FBXO46: variants seen among roughly 807,000 people sequenced by gnomAD.
FBXO46 encodes F-box only protein 46.
Under a neutral mutation model 30.7 loss-of-function variants are expected in FBXO46, and 13 were observed. That is an observed-to-expected ratio of 0.42 (90% CI 0.28 to 0.67). The LOEUF (loss-of-function observed/expected upper bound fraction) is 0.67. FBXO46 is among the 30% of genes least tolerant of loss of function. The pLI is 0.21. For missense variants in FBXO46, 754 were observed against 871.5 expected (o/e 0.87, Z 1.70); for synonymous variants, 467 against 385.8 (o/e 1.21, Z -2.47).
Position 45,713,485 on chromosome 19 carries a change from C to T in FBXO46, c.11G>A (p.Gly4Glu). 1 of 1,567,808 alleles carries T rather than the reference C, an allele frequency of 6.4e-7. No individual in the cohort carries two copies. Among genetic ancestry groups the T allele is most frequent in the Non-Finnish European group, 8.7e-7 (1 of 1,152,022 alleles). Residue 4 changes from glycine (G) to glutamate (E), a missense_variant, in exon 2 of 2, where the codon GGG (glycine) becomes GAG (glutamate). This residue lies in a region of FBXO46 where 97 missense variants were observed against 113.0 expected (regional missense o/e 0.86). Coordinates refer to ENST00000317683, the MANE Select transcript of FBXO46 (RefSeq NM_001080469.2). The surrounding 1 kb of genome is among the most constrained non-coding windows in gnomAD (Gnocchi z 4.7). MDR[G>E]SLLPFQLWCP... ...CCATAGCTGGAAGGGCAGGAGGCTC[C>T]CACGGTCCATGCTGGGGGATGATGG...
Position 45,712,079 on chromosome 19 carries a change from T to G in FBXO46, c.1417A>C (p.Met473Leu). Residue 473 changes from methionine (M) to leucine (L), a missense_variant, in exon 2 of 2, where the codon ATG becomes CTG. Physicochemically the swap from Met to Leu is conservative, Grantham distance 15. Around this residue, in one of 5 missense-constraint regions of FBXO46, gnomAD observed 162 missense variants for 258.7 expected, o/e 0.63. Coordinates refer to ENST00000317683, the MANE Select transcript of FBXO46 (RefSeq NM_001080469.2). This position sits in a 1 kb window ranked among gnomAD's most constrained non-coding sequence, Gnocchi z 8.8. The part of the protein sequence containing the change: ...IQRLLEPRQY[M>L]LLLPEHVLVK... ...AGCACGTGCTCGGGCAGCAGCAGCA[T>G]GTACTGTCGCGGCTCCAGCAGCCGC... is the stretch of plus-strand genomic sequence containing the variant. 1 of 1,608,500 alleles carries G rather than the reference T, an allele frequency of 6.2e-7. No homozygotes were observed.
chr19:45,728,697 C>T (rs997682467), intron 1 of FBXO46, among the ~76,000 whole-genome samples: 4 of 151,976 alleles, frequency 2.6e-5, no homozygotes, highest in African/African-American at 7.3e-5. Flanking sequence ...AAAAATTAGC[C>T]GTGTGTAATA....
chr19:45,713,374 C>A lies in FBXO46; in HGVS notation c.122G>T (p.Gly41Val), dbSNP rs1968032612. 1 of 1,612,324 alleles carries A rather than the reference C, an allele frequency of 6.2e-7. No homozygotes were observed. The highest frequency in any genetic ancestry group is 8.5e-7 in the Non-Finnish European group (1 of 1,179,020). The change falls in exon 2 of 2, where the codon GGT becomes GTT. Residue 41 changes from glycine to valine, a missense_variant. Gly to Val is a moderately radical substitution (Grantham distance 109). Coordinates refer to ENST00000317683, the MANE Select transcript of FBXO46 (RefSeq NM_001080469.2). The surrounding 1 kb of genome is among the most constrained non-coding windows in gnomAD (Gnocchi z 4.7). ...ALKPSACPEP[G>V]GGAEPDHGPA... Reference sequence around the variant, plus strand: ...CCCATGGTCTGGCTCGGCCCCGCCACCAGGCTCAGGGCAGGCTGATGGCTT... The same window carrying A: ...CCCATGGTCTGGCTCGGCCCCGCCAACAGGCTCAGGGCAGGCTGATGGCTT...
Position 45,713,530 on chromosome 19 carries a change from C to G in FBXO46, c.-35G>C, listed in dbSNP as rs369148502. 3 of 1,506,046 alleles carry G rather than the reference C, an allele frequency of 2.0e-6. No homozygotes were observed. The East Asian group carries it at 6.9e-5, about 34-fold the overall frequency. 93.3% of individuals were successfully genotyped at this position (1,506,046 alleles called of 1,614,324 possible). On this transcript the variant is annotated 5_prime_UTR_variant, in exon 2 of 2. Coordinates refer to ENST00000317683, the MANE Select transcript of FBXO46 (RefSeq NM_001080469.2). The surrounding 1 kb of genome is among the most constrained non-coding windows in gnomAD (Gnocchi z 4.7). Reference sequence around the variant, plus strand: ...TGATGGCAGACAGGCTGGGCTTCAGCGCATCTCAGGACCTAGGTGGTGGTG... The same window carrying G: ...TGATGGCAGACAGGCTGGGCTTCAGGGCATCTCAGGACCTAGGTGGTGGTG...
At position 45,711,828 on chromosome 19, in the gene FBXO46, C is replaced by T. The variant is rs1379081089; in HGVS notation, c.1668G>A (p.Leu556=). Reference sequence around the variant, plus strand: ...ACATCCAGTAGGAACGTCCGTAAGGCAGGTCATGGTGGTAGGGCTTGGGGT... The same window carrying T: ...ACATCCAGTAGGAACGTCCGTAAGGTAGGTCATGGTGGTAGGGCTTGGGGT... ...RWHPKPYHHD[L]PYGRSYWMCC... is the part of the protein sequence containing the mutation. The change falls in exon 2 of 2, where the codon CTG becomes CTA. Residue 556 remains leucine, a synonymous_variant. Coordinates refer to ENST00000317683, the MANE Select transcript of FBXO46 (RefSeq NM_001080469.2). 1.2e-6 allele frequency: 2 copies of T among 1,613,418 alleles called. No homozygotes were observed. Among genetic ancestry groups the T allele is most frequent in the East Asian group, 2.2e-5 (1 of 44,870 alleles).
Position 45,712,678 on chromosome 19 carries a change from G to A in FBXO46, c.818C>T (p.Ala273Val). ...FRISNGREPR[A>V]PDSGLPSGGG... is the part of the protein sequence containing the mutation. ...CCCACTGGGCAGGCCGCTGTCTGGTGCACGGGGCTCCCGGCCGTTGGAGAT... is the reference window on the plus strand; with the variant it reads ...CCCACTGGGCAGGCCGCTGTCTGGTACACGGGGCTCCCGGCCGTTGGAGAT... The change falls in exon 2 of 2, where the codon GCA becomes GTA. Residue 273 changes from alanine to valine, a missense_variant. Ala to Val is a moderately conservative substitution (Grantham distance 64). Around this residue, in one of 5 missense-constraint regions of FBXO46, gnomAD observed 454 missense variants for 426.5 expected, o/e 1.06. Transcript: ENST00000317683. This position sits in a 1 kb window ranked among gnomAD's most constrained non-coding sequence, Gnocchi z 8.8. 3 of 1,612,744 alleles carry A rather than the reference G, an allele frequency of 1.9e-6. No individual in the cohort carries two copies. Among genetic ancestry groups the A allele is most frequent in the Non-Finnish European group, 2.5e-6 (3 of 1,179,402 alleles).
chr19:45,718,658 A>T (rs1009743297), intron 1 of FBXO46, among the ~76,000 whole-genome samples: 1 of 151,778 alleles, frequency 6.6e-6, no homozygotes, highest in African/African-American at 2.4e-5. Context: ...CCTTCCTGGA[A>T]ATCACCCACC....
At position 45,712,937 on chromosome 19, in the gene FBXO46, G is replaced by A. The variant is rs1422195137; in HGVS notation, c.559C>T (p.Leu187=). Residue 187 remains leucine, a synonymous_variant, in exon 2 of 2, where the codon CTG becomes TTG. Coordinates refer to ENST00000317683, the MANE Select transcript of FBXO46 (RefSeq NM_001080469.2). This position sits in a 1 kb window ranked among gnomAD's most constrained non-coding sequence, Gnocchi z 8.8. Reference sequence around the variant, plus strand: ...GTGGTCGGTCGTGGGTAGCTCTGCAGGGCCAGGGCTGCCCGCTGTTCCACC... The same window carrying A: ...GTGGTCGGTCGTGGGTAGCTCTGCAAGGCCAGGGCTGCCCGCTGTTCCACC... ...ALVEQRAALA[L]QSYPRPTTPA... The A allele has an allele frequency of 6.2e-7, 1 of 1,600,576 alleles. No individual in the cohort carries two copies. The highest frequency in any genetic ancestry group is 8.5e-7 in the Non-Finnish European group (1 of 1,173,998).
intron 1 of FBXO46, among the ~76,000 whole-genome samples, chr19:45,729,050 C>T (rs1170215805): frequency 6.6e-6 from 1 of 151,814 alleles, no homozygotes; most frequent in Non-Finnish European, 1.5e-5. Flanking sequence ...GCGGAGGTTG[C>T]GGTGAGCCAA....
intron 1 of FBXO46, among the ~76,000 whole-genome samples, chr19:45,723,243 TG>T (rs1968197139): frequency 6.6e-6 from 1 of 151,922 alleles, no homozygotes; most frequent in Admixed American, 6.6e-5. Context: ...CATGGTGGCA[TG>T]AGCCTGTAGT....
intron 1 of FBXO46, chr19:45,715,822 A>G (rs1040066480): frequency 6.6e-6 from 1 of 151,250 alleles, no homozygotes; most frequent in African/African-American, 2.4e-5. Context: ...AAAAAAAAAA[A>G]AAAAGAAAGA....
rs751530015 is a variant in FBXO46 at position 45,711,920 on chromosome 19, G to T, written c.1576C>A (p.Arg526Ser). 8.1e-6 allele frequency: 13 copies of T among 1,613,558 alleles called. No individual in the cohort carries two copies. The highest frequency in any genetic ancestry group is 3.3e-4 in the Middle Eastern group (2 of 6,062). ...DSRWSRDPLYRDDPCKQCRKR... is the reference protein window; with the variant it reads ...DSRWSRDPLYSDDPCKQCRKR... Reference sequence around the variant, plus strand: ...CGGCACTGTTTGCACGGATCATCGCGGTAGAGCGGGTCTCGGCTCCAGCGC... The same window carrying T: ...CGGCACTGTTTGCACGGATCATCGCTGTAGAGCGGGTCTCGGCTCCAGCGC... The change falls in exon 2 of 2, where the codon CGC becomes AGC. Residue 526 changes from arginine to serine, a missense_variant. Arg to Ser is a moderately radical substitution (Grantham distance 110). This residue lies in a region of FBXO46 where 162 missense variants were observed against 258.7 expected (regional missense o/e 0.63). Coordinates refer to ENST00000317683, the MANE Select transcript of FBXO46 (RefSeq NM_001080469.2).
At chr19:45,718,994 C>T (rs950845358) in intron 1 of FBXO46, among the ~76,000 whole-genome samples, 8 of 150,602 alleles carry the variant, frequency 5.3e-5, no homozygotes, top group Non-Finnish European at 4.4e-5. Flanking sequence ...CACCTGTAAT[C>T]CCAGCACTTT....
rs1299974677 is a variant in FBXO46, at chr19:45,711,635, G to T, written c.*49C>A. Reference sequence around the variant, plus strand: ...AGTCCGGACCCTCGGCTCCCGGGGGGAGAGGGGAGGGGTGGGCGTGGTGGG... The same window carrying T: ...AGTCCGGACCCTCGGCTCCCGGGGGTAGAGGGGAGGGGTGGGCGTGGTGGG... On this transcript the variant is annotated 3_prime_UTR_variant, in exon 2 of 2. Transcript: ENST00000317683. 1.4e-5 allele frequency: 20 copies of T among 1,407,398 alleles called. No homozygotes were observed. Among genetic ancestry groups the T allele is most frequent in the African/African-American group, 7.1e-5 (5 of 70,514 alleles). The allele number at this position is 1,407,398 out of a possible 1,614,324, so 87.2% of individuals were successfully genotyped here. A position where few individuals can be genotyped will look rare whatever the true frequency, so the allele number is the denominator to read the frequency against.
chr19:45,723,134 G>A (rs1325736827), intron 1 of FBXO46, among the ~76,000 whole-genome samples: 3 of 152,086 alleles, frequency 2.0e-5, no homozygotes, highest in Non-Finnish European at 4.4e-5. Context: ...GCACTTTGGG[G>A]GGCCAGGGCA....
At position 45,713,592 on chromosome 19, in the gene FBXO46, G is replaced by A. The variant is rs1600356267; in HGVS notation, c.-78-19C>T. On this transcript the variant is annotated intron_variant, in intron 1 of 1. Transcript: ENST00000317683. This position sits in a 1 kb window ranked among gnomAD's most constrained non-coding sequence, Gnocchi z 4.7. Reference sequence around the variant, plus strand: ...ATGCCACCTGGAGACACGAAGAGGAGGTTGGGGAGCTAGGGGGACAGCCTT... The same window carrying A: ...ATGCCACCTGGAGACACGAAGAGGAAGTTGGGGAGCTAGGGGGACAGCCTT... The A allele has an allele frequency of 1.9e-6, 2 of 1,039,074 alleles. No individual in the cohort carries two copies. The highest frequency in any genetic ancestry group is 2.9e-5 in the Admixed American group (1 of 34,616). 64.4% of individuals were successfully genotyped at this position (1,039,074 alleles called of 1,614,324 possible). A position where few individuals can be genotyped will look rare whatever the true frequency, so the allele number is the denominator to read the frequency against.
intron 1 of FBXO46, among the ~76,000 whole-genome samples, chr19:45,723,761 G>A (rs767932511): frequency 2.0e-5 from 3 of 152,128 alleles, no homozygotes; most frequent in Non-Finnish European, 2.9e-5. Context: ...CCAGGTTCAA[G>A]CAATTCTTCT....
intron 1 of FBXO46, among the ~76,000 whole-genome samples, chr19:45,725,650 C>T (rs919893442): frequency 6.6e-6 from 1 of 152,034 alleles, no homozygotes; most frequent in Non-Finnish European, 1.5e-5. Flanking sequence ...GGGAGGATGG[C>T]TTGAGCCCGG....
At position 45,713,968 on chromosome 19, in the gene FBXO46, CAAAAAAA is replaced by C. The variant is rs34349746; in HGVS notation, c.-78-402_-78-396del. 4.1e-5 allele frequency among the ~76,000 whole-genome samples: 3 copies of C among 73,136 alleles called. No individual in the cohort carries two copies. Among genetic ancestry groups the C allele is most frequent in the Admixed American group, 1.8e-4 (1 of 5,622 alleles). 48.0% of individuals were successfully genotyped at this position (73,136 alleles called of 152,430 possible). A position where few individuals can be genotyped will look rare whatever the true frequency, so the allele number is the denominator to read the frequency against. ...GGGCGACAAGAGCGAAACTCCGTCT[CAAAAAAA>C]AAAAAAAAAAAAAAAAGAACTCTAT... is the stretch of plus-strand genomic sequence containing the variant. On this transcript the variant is annotated intron_variant, in intron 1 of 1. Transcript: ENST00000317683. The surrounding 1 kb of genome is among the most constrained non-coding windows in gnomAD (Gnocchi z 4.7).
Sources: allele counts gnomAD v4.1 joint callset (sites outside exome capture counted in the v4.1 genomes callset), GRCh38; gene constraint gnomAD v4.1.1; regional missense constraint gnomAD v4.1.1; non-coding constraint Gnocchi (gnomAD v3.1); transcripts MANE v1.5; gene names NCBI Gene and HGNC (gene_info 2026-07-23, HGNC 2026-07-21).